The following CELA3B variants were observed in gnomAD, a reference collection of about 807,000 sequenced individuals.
The protein encoded by CELA3B is chymotrypsin like elastase 3B, also known as chymotrypsin-like elastase family member 3B.
Under a neutral mutation model 37.2 loss-of-function variants are expected in CELA3B, and 34 were observed. The ratio of observed to expected loss-of-function variants is 0.91; its 90% confidence interval spans 0.70 to 1.22. The LOEUF (loss-of-function observed/expected upper bound fraction) is 1.22, where lower values mean the gene tolerates loss of function less well. Among genes scored for constraint, CELA3B ranks in the 50% most tolerant of loss-of-function variants. The pLI, the probability that CELA3B is intolerant of heterozygous loss-of-function variation, is 0.00. For missense variants in CELA3B, 340 were observed against 363.1 expected, an observed-to-expected ratio of 0.94 and a Z score of 0.52; for synonymous variants, 127 against 143.5, an observed-to-expected ratio of 0.89 and a Z score of 0.82.
At chr1:21,977,272 T>G (rs1644778226) in intron 1 of CELA3B, among the ~76,000 whole-genome samples, 190 bp downstream of exon 1, 1 of 151,836 alleles carries the variant, frequency 6.6e-6, no homozygotes, top group African/African-American at 2.4e-5. Context: ...GGGGAAGCCG[T>G]GGATGGAGAA....
chr1:21,997,860 A>G (rs1306111207), intron 4 of CELA3B, among the ~76,000 whole-genome samples: 1 of 151,328 alleles, frequency 6.6e-6, no homozygotes, highest in East Asian at 1.9e-4. Context: ...TGTGTATTTA[A>G]CATTCTATCT....
intron 6 of CELA3B, 78 bp from the exon 7 acceptor site, chr1:21,986,453 C>G (rs563506080): frequency 6.4e-7 from 1 of 1,558,948 alleles, no homozygotes. Context: ...CGGAGTTTCT[C>G]GAAATCCCTA....
intron 4 of CELA3B, among the ~76,000 whole-genome samples, chr1:21,995,596 C>G (rs1306665273): frequency 1.3e-5 from 2 of 151,068 alleles, no homozygotes; most frequent in African/African-American, 2.5e-5. Flanking sequence ...GAAGTTATCC[C>G]CTTCCCTTTT....
chr1:21,981,591 T>C (rs1644804487), intron 4 of CELA3B, among the ~76,000 whole-genome samples: 1 of 152,012 alleles, frequency 6.6e-6, no homozygotes, highest in South Asian at 2.1e-4. Flanking sequence ...TAACTCTGTG[T>C]ATGGCCTGAG....
Position 21,997,504 on chromosome 1 carries a change from G to A in CELA3B, c.505-647G>A, listed in dbSNP as rs1320424834. Among the ~76,000 whole-genome samples, 9 of 150,582 alleles carry A rather than the reference G, an allele frequency of 6.0e-5. 1 individual carries two copies. The highest frequency in any genetic ancestry group is 1.3e-4 in the Non-Finnish European group (9 of 67,776). On this transcript the variant is annotated intron_variant, in intron 4 of 4. Transcript: ENST00000400277. ...GGAGTTTGAGAACAGCCTGGCCAAT[G>A]TGGTGAAACCCTGCCTCTACTAAAA...
chr1:21,992,469 C>G (rs1325327001), downstream of CELA3B, among the ~76,000 whole-genome samples: 1 of 151,626 alleles, frequency 6.6e-6, no homozygotes, highest in Non-Finnish European at 1.5e-5. Flanking sequence ...TACTCAAGTG[C>G]AGCTTCTGTA....
rs1219597451 is a variant in CELA3B, at chr1:21,983,760, A to C, written c.429A>C (p.Ser143=). The stretch of plus-strand genomic sequence containing the variant: ...TGGGAGACGCCGTCCAGCTCGCCTC[A>C]CTCCCTCCGGCTGGTGACATCCTTC... ...AQLGDAVQLA[S]LPPAGDILPN... Residue 143 remains serine (S), a synonymous_variant, in exon 5 of 8, where the codon TCA becomes TCC. Coordinates refer to ENST00000337107, the MANE Select transcript of CELA3B (RefSeq NM_007352.4). 1 of 1,613,464 alleles carries C rather than the reference A, an allele frequency of 6.2e-7. No individual in the cohort carries two copies. The highest frequency in any genetic ancestry group is 1.3e-5 in the African/African-American group (1 of 74,718).
chr1:21,995,406 A>G lies in CELA3B; in HGVS notation c.505-2745A>G, dbSNP rs1644886249. Among the ~76,000 whole-genome samples, 3 of 151,000 alleles carry G rather than the reference A, an allele frequency of 2.0e-5. No individual in the cohort carries two copies. The South Asian group carries it at 6.2e-4, about 31-fold the overall frequency. On this transcript the variant is annotated intron_variant, in intron 4 of 4. Transcript: ENST00000400277. ...GTCTGCCTCGGCCTCACAAAGTGCT[A>G]GGATTACAGGCATGAGACACTGCAC...
rs1178142027 is a variant in CELA3B at position 21,994,480 on chromosome 1, A to G, written c.505-3671A>G. The stretch of plus-strand genomic sequence containing the variant: ...GCTTCTCTGCACCTCCCTCACCGAG[A>G]CAGCCAATTCCCCAGATTAAATTCC... On this transcript the variant is annotated intron_variant, in intron 4 of 4. Coordinates refer to the CELA3B transcript ENST00000400277. Among the ~76,000 whole-genome samples, 4 of 150,850 alleles carry G rather than the reference A, an allele frequency of 2.7e-5. 1 individual carries two copies. The East Asian group carries it at 5.9e-4, about 22-fold the overall frequency.
chr1:21,985,629 T>C (rs937127174), intron 6 of CELA3B, among the ~76,000 whole-genome samples: 33 of 149,520 alleles, frequency 2.2e-4, no homozygotes, highest in South Asian at 6.3e-4. Flanking sequence ...TGGTGGCTCA[T>C]GCCTGTAATC....
intron 4 of CELA3B, among the ~76,000 whole-genome samples, chr1:21,982,914 C>T (rs537821743): frequency 2.1e-4 from 32 of 152,184 alleles, no homozygotes; most frequent in African/African-American, 7.5e-4. Context: ...CTCTTAACCT[C>T]GTGATCCGCA....
chr1:21,997,168 T>G (rs1302443172), intron 4 of CELA3B, among the ~76,000 whole-genome samples: 1 of 149,374 alleles, frequency 6.7e-6, no homozygotes, highest in African/African-American at 2.5e-5. Context: ...GAGACCAGGC[T>G]GGCCAACCTG....
In CELA3B at chr1:21,977,082, G is replaced by C; in HGVS notation, c.43G>C (p.Ala15Pro). The change falls in exon 1 of 8, where the codon GCC becomes CCC. Residue 15 changes from alanine to proline, a missense_variant and splice_region_variant. Coordinates refer to ENST00000337107, the MANE Select transcript of CELA3B (RefSeq NM_007352.4). ...LLSSLLLVAV[A>P]SGYGPPSSRP... ...CAGTTCCCTCCTCCTTGTGGCCGTT[G>C]GTAAGACCCCAACCTGTGTGTGTGC... The C allele has an allele frequency of 6.2e-7, 1 of 1,614,124 alleles. No homozygotes were observed. Among genetic ancestry groups the C allele is most frequent in the Non-Finnish European group, 8.5e-7 (1 of 1,180,026 alleles).
downstream of CELA3B, among the ~76,000 whole-genome samples, chr1:21,989,815 G>A (rs544701626): frequency 6.6e-6 from 1 of 150,806 alleles, no homozygotes; most frequent in African/African-American, 2.5e-5. Context: ...TTTTAAAGGA[G>A]GGCTCAGAGG....
chr1:21,986,378 A>G (rs1157599253), intron 6 of CELA3B, among the ~76,000 whole-genome samples, 153 bp from the exon 7 acceptor site: 2 of 152,102 alleles, frequency 1.3e-5, no homozygotes, highest in Admixed American at 6.6e-5. Flanking sequence ...TCCATCTAAA[A>G]AAATAAAAAT....
At chr1:21,996,699 G>T (rs561512313) in intron 4 of CELA3B, among the ~76,000 whole-genome samples, 1 of 151,056 alleles carries the variant, frequency 6.6e-6, no homozygotes, top group Non-Finnish European at 1.5e-5. Context: ...TGTAACATCG[G>T]GAAGGTATGG....
chr1:21,979,232 C>T lies in CELA3B; in HGVS notation c.129+778C>T, dbSNP rs180990682. 5.2e-3 allele frequency among the ~76,000 whole-genome samples: 782 copies of T among 151,088 alleles called. 4 individuals are homozygous for T. The highest frequency in any genetic ancestry group is 0.018 in the African/African-American group (732 of 41,254). On this transcript the variant is annotated intron_variant, in intron 2 of 7. Transcript: ENST00000337107. The stretch of plus-strand genomic sequence containing the variant: ...GGATTACAGGCATGCGCCACCAAGC[C>T]CGGCTAATTCTGTATTTTTAGTAGA...
At chr1:21,982,179 G>A (rs576918330) in intron 4 of CELA3B, among the ~76,000 whole-genome samples, 153 of 152,218 alleles carry the variant, frequency 1.0e-3, no homozygotes, top group African/African-American at 3.4e-3. Flanking sequence ...AGGGCTTCTG[G>A]GGTGAGTAGA....
rs1644777194 is a variant in CELA3B at position 21,977,145 on chromosome 1, A to G, written c.43+63A>G. ...CCTAGATTAGGAATCCTTGAAATCT[A>G]CCACTTGCTCTAAGTCCCATGACAC... On this transcript the variant is annotated intron_variant, in intron 1 of 7. Transcript: ENST00000337107. The G allele has an allele frequency of 3.1e-6, 5 of 1,609,112 alleles. No homozygotes were observed. In the South Asian group the frequency reaches 3.3e-5, roughly 11 times the overall value.
Sources: allele counts gnomAD v4.1 joint callset (sites outside exome capture counted in the v4.1 genomes callset), GRCh38; gene constraint gnomAD v4.1.1; transcripts MANE v1.5; gene names NCBI Gene and HGNC (gene_info 2026-07-23, HGNC 2026-07-21).